Variants in IGF2BP3 observed in about 807,000 individuals in gnomAD.
IGF2BP3 encodes insulin-like growth factor 2 mRNA-binding protein 3.
A neutral mutation model predicts 73.8 loss-of-function variants in IGF2BP3; 9 were observed. The ratio of observed to expected loss-of-function variants is 0.12; its 90% CI spans 0.07 to 0.21. IGF2BP3 has a LOEUF of 0.21. Ranked by LOEUF, IGF2BP3 falls within the 10% of genes least tolerant of loss-of-function variation. IGF2BP3 has a pLI of 1.00. For missense variants in IGF2BP3, 542 were observed against 714.0 expected, an observed-to-expected ratio of 0.76 and a Z score of 2.75; for synonymous variants, 258 against 256.7, an observed-to-expected ratio of 1.01 and a Z score of -0.05.
At chr7:23,361,121 G>A (rs1423991424) in intron 5 of IGF2BP3, among the ~76,000 whole-genome samples, 1 of 152,184 alleles carries the variant, frequency 6.6e-6, no homozygotes, top group Admixed American at 6.5e-5. Context: ...CAGTGAGTAA[G>A]AAGACTTATC....
At chr7:23,384,352 G>A (rs1300514559) in intron 3 of IGF2BP3, among the ~76,000 whole-genome samples, 3 of 152,020 alleles carry the variant, frequency 2.0e-5, no homozygotes, top group African/African-American at 4.8e-5. Context: ...AATTTGAGGT[G>A]ACAAAAATAT....
At chr7:23,350,106 C>G (rs560145499) in intron 6 of IGF2BP3, among the ~76,000 whole-genome samples, 13 of 152,246 alleles carry the variant, frequency 8.5e-5, no homozygotes, top group African/African-American at 3.1e-4. Context: ...GTATGGACCA[C>G]CACTCAGTAC....
At chr7:23,424,736 C>CA (rs1190440214) in intron 2 of IGF2BP3, among the ~76,000 whole-genome samples, 1 of 151,830 alleles carries the variant, frequency 6.6e-6, no homozygotes, top group Non-Finnish European at 1.5e-5. Flanking sequence ...TGCCTATCTA[C>CA]AAAAAAATCA....
intron 10 of IGF2BP3, among the ~76,000 whole-genome samples, chr7:23,321,125 G>T (rs2128493400): frequency 6.6e-6 from 1 of 152,318 alleles, no homozygotes; most frequent in South Asian, 2.1e-4. Flanking sequence ...GAGCGATGCA[G>T]AAGACGGGTG....
At position 23,361,567 on chromosome 7, in the gene IGF2BP3, T is replaced by A; in HGVS notation, c.368A>T (p.Asn123Ile). 6.2e-7 allele frequency: 1 copy of A among 1,613,140 alleles called. No homozygotes were observed. The highest frequency in any genetic ancestry group is 8.5e-7 in the Non-Finnish European group (1 of 1,179,728). Reference sequence around the variant, plus strand: ...TTGGTCCTTACTGGAATAGGTTACATTTACAACTGCAGTTTCCGAGTCAGT... The same window carrying A: ...TTGGTCCTTACTGGAATAGGTTACAATTACAACTGCAGTTTCCGAGTCAGT... ...VNTDSETAVV[N>I]VTYSSKDQAR... Residue 123 changes from asparagine (N) to isoleucine (I), a missense_variant, in exon 5 of 15, where the codon AAT (asparagine) becomes ATT (isoleucine). This residue lies in a region of IGF2BP3 where 239 missense variants were observed against 241.9 expected (regional missense o/e 0.99). Transcript: ENST00000258729.
chr7:23,436,000 ACCTGCCTCGGCCT>A (rs1787801263), intron 2 of IGF2BP3, among the ~76,000 whole-genome samples: 1 of 152,016 alleles, frequency 6.6e-6, no homozygotes. Flanking sequence ...CAAGTGATCC[ACCTGCCTCGGCCT>A]CCCAAAGTAC....
At chr7:23,390,775 T>G (rs1326961385) in intron 3 of IGF2BP3, among the ~76,000 whole-genome samples, 1 of 151,946 alleles carries the variant, frequency 6.6e-6, no homozygotes, top group Non-Finnish European at 1.5e-5. Flanking sequence ...TACAGCTGTT[T>G]TTGTCACCTT....
intron 3 of IGF2BP3, among the ~76,000 whole-genome samples, chr7:23,377,703 A>G (rs1370349241): frequency 6.6e-6 from 1 of 152,250 alleles, no homozygotes; most frequent in Non-Finnish European, 1.5e-5. Context: ...GAAACAACCT[A>G]AATGTCCATC....
intron 10 of IGF2BP3, 88 bp downstream of exon 10, chr7:23,341,976 T>A: frequency 7.4e-7 from 1 of 1,358,638 alleles, no homozygotes; most frequent in Non-Finnish European, 9.7e-7. Flanking sequence ...AGAGCATATG[T>A]TGGCATCTAA....
chr7:23,428,896 T>C (rs1787596479), intron 2 of IGF2BP3, among the ~76,000 whole-genome samples: 1 of 152,220 alleles, frequency 6.6e-6, no homozygotes, highest in Admixed American at 6.5e-5. Flanking sequence ...ATGCTCAAAT[T>C]GTCCCATCTT....
At chr7:23,427,206 G>A (rs1382798589) in intron 2 of IGF2BP3, among the ~76,000 whole-genome samples, 1 of 152,080 alleles carries the variant, frequency 6.6e-6, no homozygotes, top group Non-Finnish European at 1.5e-5. Flanking sequence ...AAATCCTTAA[G>A]AAGAACTTGC....
intron 5 of IGF2BP3, among the ~76,000 whole-genome samples, chr7:23,355,031 A>G (rs1229168703): frequency 2.0e-5 from 3 of 152,152 alleles, no homozygotes; most frequent in African/African-American, 4.8e-5. Context: ...TTATTCATCT[A>G]TGTCATATGG....
chr7:23,441,350 G>A (rs1436754585), intron 2 of IGF2BP3, among the ~76,000 whole-genome samples: 5 of 151,904 alleles, frequency 3.3e-5, no homozygotes, highest in Non-Finnish European at 5.9e-5. Flanking sequence ...CGAGGTGGAC[G>A]GATCATGAGG....
chr7:23,405,404 T>C (rs1038808107), intron 3 of IGF2BP3, among the ~76,000 whole-genome samples: 1 of 152,318 alleles, frequency 6.6e-6, no homozygotes. Context: ...GAAACTGAAG[T>C]GATTTGCTTC....
At chr7:23,357,761 C>T (rs1190409601) in intron 5 of IGF2BP3, among the ~76,000 whole-genome samples, 2 of 152,184 alleles carry the variant, frequency 1.3e-5, no homozygotes, top group Admixed American at 6.5e-5. Context: ...TTAATATTTT[C>T]TAAAATATGT....
intron 2 of IGF2BP3, among the ~76,000 whole-genome samples, chr7:23,460,710 G>A (rs1430159672): frequency 6.6e-6 from 1 of 152,124 alleles, no homozygotes; most frequent in Admixed American, 6.6e-5. Flanking sequence ...AACACTTTGG[G>A]AGGCCGAGAC....
intron 3 of IGF2BP3, among the ~76,000 whole-genome samples, chr7:23,381,734 A>G (rs553746715): frequency 2.6e-4 from 39 of 151,996 alleles, no homozygotes; most frequent in African/African-American, 9.2e-4. Flanking sequence ...ACGCCCAGCT[A>G]ATTTTTGTAT....
rs1284706312 is a variant in IGF2BP3, at chr7:23,351,528, T to C, written c.460A>G (p.Ile154Val). ...TGCTGGGCGGCCATTTCATCAGGGA[T>C]ATAGGCTACTTTCAAGGTGAAATTC... ...LENFTLKVAY[I>V]PDEMAAQQNP... Residue 154 changes from isoleucine (I) to valine (V), a missense_variant, in exon 6 of 15, where the codon ATC becomes GTC. Transcript: ENST00000258729. The C allele has an allele frequency of 6.2e-7, 1 of 1,614,048 alleles. No individual in the cohort carries two copies. The highest frequency in any genetic ancestry group is 8.5e-7 in the Non-Finnish European group (1 of 1,180,002).
intron 11 of IGF2BP3, among the ~76,000 whole-genome samples, chr7:23,318,911 G>C (rs1274915072): frequency 3.3e-5 from 5 of 152,196 alleles, no homozygotes; most frequent in Non-Finnish European, 7.3e-5. Flanking sequence ...AGGACTTGGT[G>C]GGGGCAGAGC....
Sources: allele counts gnomAD v4.1 joint callset (sites outside exome capture counted in the v4.1 genomes callset), GRCh38; gene constraint gnomAD v4.1.1; regional missense constraint gnomAD v4.1.1; transcripts MANE v1.5; gene names NCBI Gene and HGNC (gene_info 2026-07-23, HGNC 2026-07-21).